The following CACNA2D3 variants were observed in gnomAD, a reference collection of about 807,000 sequenced individuals.
CACNA2D3 encodes voltage-dependent calcium channel subunit alpha-2/delta-3.
A neutral mutation model predicts 160.6 loss-of-function variants in CACNA2D3; 60 were observed. The ratio of observed to expected loss-of-function variants is 0.37; its 90% CI spans 0.30 to 0.46. CACNA2D3 has a LOEUF of 0.46. CACNA2D3 is among the 20% of genes least tolerant of loss of function. The pLI is 1.00. For synonymous variants in CACNA2D3, 558 were observed against 492.9 expected (o/e 1.13, Z -1.75); for missense variants, 1,205 against 1,365.0 (o/e 0.88, Z 1.85).
At chr3:54,263,260 G>A (rs1419851560) in intron 2 of CACNA2D3, among the ~76,000 whole-genome samples, 1 of 152,184 alleles carries the variant, frequency 6.6e-6, no homozygotes, top group East Asian at 1.9e-4. Context: ...CTATTTGGAA[G>A]CTTGTATGGT....
chr3:54,274,159 A>C (rs1702684120), intron 2 of CACNA2D3, among the ~76,000 whole-genome samples: 1 of 152,186 alleles, frequency 6.6e-6, no homozygotes, highest in African/African-American at 2.4e-5. Flanking sequence ...ATTTACAAAC[A>C]GAAACCTGGA....
chr3:54,200,901 T>C (rs899015971), intron 2 of CACNA2D3, among the ~76,000 whole-genome samples: 1 of 152,222 alleles, frequency 6.6e-6, no homozygotes, highest in African/African-American at 2.4e-5. Context: ...GATGAAAATA[T>C]TTCTTTATGG....
chr3:55,046,197 C>A (rs1704077491), intron 35 of CACNA2D3, among the ~76,000 whole-genome samples: 1 of 147,638 alleles, frequency 6.8e-6, no homozygotes, highest in Non-Finnish European at 1.5e-5. Flanking sequence ...GTGCGCTGCA[C>A]CCACTAACTC....
At chr3:54,776,119 G>A (rs1250157786) in intron 13 of CACNA2D3, among the ~76,000 whole-genome samples, 1 of 152,180 alleles carries the variant, frequency 6.6e-6, no homozygotes, top group African/African-American at 2.4e-5. Flanking sequence ...TCTAGCCCAT[G>A]GTTCCATTGA....
intron 13 of CACNA2D3, among the ~76,000 whole-genome samples, chr3:54,798,404 C>T (rs187331414): frequency 1.5e-3 from 224 of 152,134 alleles, no homozygotes; most frequent in African/African-American, 5.2e-3. Context: ...GGCGCGTTGG[C>T]ATGTACCTGT....
intron 9 of CACNA2D3, among the ~76,000 whole-genome samples, chr3:54,613,618 C>G (rs922698804): frequency 5.9e-5 from 9 of 152,184 alleles, no homozygotes; most frequent in African/African-American, 2.2e-4. Flanking sequence ...GTCTTAAGGT[C>G]TCTTGATCCT....
chr3:55,007,129 G>A (rs1018736982), intron 32 of CACNA2D3, among the ~76,000 whole-genome samples: 2 of 152,180 alleles, frequency 1.3e-5, no homozygotes, highest in Non-Finnish European at 2.9e-5. Flanking sequence ...ATATCACAGA[G>A]TAAACAATCC....
intron 2 of CACNA2D3, among the ~76,000 whole-genome samples, chr3:54,194,469 G>C (rs1310383150): frequency 1.3e-5 from 2 of 152,080 alleles, no homozygotes; most frequent in African/African-American, 4.8e-5. Context: ...CCTCTTTCCT[G>C]TCTCCCACCT....
At chr3:54,737,863 G>A (rs1240343352) in intron 11 of CACNA2D3, among the ~76,000 whole-genome samples, 1 of 152,076 alleles carries the variant, frequency 6.6e-6, no homozygotes. Flanking sequence ...ACGGGGTTTC[G>A]CCATGTTGGC....
At chr3:54,624,619 C>A (rs1699056717) in intron 9 of CACNA2D3, among the ~76,000 whole-genome samples, 1 of 151,976 alleles carries the variant, frequency 6.6e-6, no homozygotes, top group Admixed American at 6.6e-5. Flanking sequence ...CGAGACTACT[C>A]CGTCTCAAGA....
chr3:54,604,114 G>T (rs902520058), intron 9 of CACNA2D3, among the ~76,000 whole-genome samples: 2 of 152,074 alleles, frequency 1.3e-5, no homozygotes, highest in African/African-American at 4.8e-5. Context: ...AATTCCTTAG[G>T]ATATGGGCCT....
At chr3:54,164,312 A>G (rs1302717720) in intron 2 of CACNA2D3, among the ~76,000 whole-genome samples, 4 of 152,146 alleles carry the variant, frequency 2.6e-5, no homozygotes, top group Admixed American at 2.6e-4. Context: ...TTCCACTGGC[A>G]TGAAATCTGT....
intron 14 of CACNA2D3, among the ~76,000 whole-genome samples, chr3:54,829,371 G>A (rs925313903): frequency 2.0e-5 from 3 of 152,178 alleles, no homozygotes; most frequent in Admixed American, 6.5e-5. Context: ...ATGGAAGTGG[G>A]TGGGAGATTT....
chr3:55,073,976 C>A (rs1377691555), intron 37 of CACNA2D3, 117 bp downstream of exon 37: 1 of 1,089,588 alleles, frequency 9.2e-7, no homozygotes, highest in South Asian at 1.3e-5. Flanking sequence ...CCCTTTCATT[C>A]AGTAAACTGA....
intron 11 of CACNA2D3, among the ~76,000 whole-genome samples, chr3:54,703,276 T>A (rs1357543160): frequency 1.3e-5 from 2 of 152,140 alleles, no homozygotes; most frequent in African/African-American, 4.8e-5. Flanking sequence ...AATAAAAGTT[T>A]TAGGTTGGAC....
At chr3:54,487,563 G>T (rs994170780) in intron 4 of CACNA2D3, among the ~76,000 whole-genome samples, 2 of 152,134 alleles carry the variant, frequency 1.3e-5, no homozygotes, top group Non-Finnish European at 2.9e-5. Flanking sequence ...ATATTCGAGG[G>T]TCTCCCAACA....
chr3:54,820,243 C>T (rs937693601), intron 14 of CACNA2D3, among the ~76,000 whole-genome samples: 1 of 152,112 alleles, frequency 6.6e-6, no homozygotes, highest in Non-Finnish European at 1.5e-5. Context: ...TAAATAGTTA[C>T]GTCTCTGTAA....
In CACNA2D3 at chr3:54,350,993, T is replaced by G. The variant is rs1278935907; in HGVS notation, c.321+30435T>G. Among the ~76,000 whole-genome samples the G allele has an allele frequency of 9.8e-4, 116 of 118,060 alleles. 3 individuals carry two copies. In the South Asian group the frequency reaches 0.018, roughly 19 times the overall value. The allele number at this position is 118,060 out of a possible 152,430, so 77.5% of individuals were successfully genotyped here. The stretch of plus-strand genomic sequence containing the variant: ...GTTTTTTTTTTTTTGTTTGTTTTTT[T>G]TTTTTTTTTTTTTGAGACAGAGTCT... On this transcript the variant is annotated intron_variant, in intron 3 of 37. Coordinates refer to ENST00000474759, the MANE Select transcript of CACNA2D3 (RefSeq NM_018398.3).
intron 27 of CACNA2D3, among the ~76,000 whole-genome samples, chr3:54,963,284 T>C (rs1702073644): frequency 6.6e-6 from 1 of 152,104 alleles, no homozygotes; most frequent in Non-Finnish European, 1.5e-5. Flanking sequence ...AGTGGTAGTA[T>C]GGACGGGTTT....
Sources: gnomAD v4.1 joint callset for allele counts (sites outside exome capture counted in the v4.1 genomes callset) on GRCh38, gnomAD v4.1.1 for gene constraint, MANE v1.5 for transcripts, NCBI Gene and HGNC (gene_info 2026-07-23, HGNC 2026-07-21) for gene names.